INPP4B: variants seen among roughly 807,000 people sequenced by gnomAD.
INPP4B encodes inositol polyphosphate 4-phosphatase type II.
A neutral mutation model predicts 122.5 loss-of-function variants in INPP4B; 55 were observed. The observed-to-expected ratio is 0.45, with a 90% CI of 0.36 to 0.56. The LOEUF (loss-of-function observed/expected upper bound fraction) is 0.56, where lower values mean the gene tolerates loss of function less well. INPP4B is among the 20% of genes least tolerant of loss of function. The probability of loss-of-function intolerance (pLI) is 0.00; values close to 1 mark genes in which losing one functional copy is unlikely to be tolerated. For missense variants in INPP4B, 1,000 were observed against 1,097.7 expected (o/e 0.91, Z 1.26); for synonymous variants, 403 against 388.7 (o/e 1.04, Z -0.43).
At chr4:142,030,351 C>T (rs1447017515) in intron 25 of INPP4B, 1 of 1,472,462 alleles carries the variant, frequency 6.8e-7, no homozygotes, top group African/African-American at 1.4e-5. Flanking sequence ...GTATAGAGTT[C>T]ACACAGTAAA....
intron 21 of INPP4B, among the ~76,000 whole-genome samples, chr4:142,120,011 T>A (rs959554850): frequency 2.0e-5 from 3 of 151,860 alleles, no homozygotes; most frequent in Admixed American, 2.0e-4. Context: ...AGATCTATAA[T>A]CTATTGTGAG....
intron 11 of INPP4B, among the ~76,000 whole-genome samples, chr4:142,238,334 C>T (rs112819548): frequency 0.034 from 5,236 of 152,006 alleles, 286 homozygotes; most frequent in African/African-American, 0.12. Flanking sequence ...AGTTTACTAC[C>T]TATTGATTCT....
chr4:142,359,118 A>G (rs985551693), intron 7 of INPP4B, among the ~76,000 whole-genome samples: 1 of 151,904 alleles, frequency 6.6e-6, no homozygotes, highest in East Asian at 1.9e-4. Context: ...TACATATCAT[A>G]TTGTCCATTG....
chr4:142,759,825 T>TAAAAAAAA lies in INPP4B; in HGVS notation c.-253-33932_-253-33925dup, dbSNP rs70949188. ...CCCAGAGCTTATATAGAGCTTTTTC[T>TAAAAAAAA]AAAAAAAAAAAAAAAAAAAAAAAAA... is the stretch of plus-strand genomic sequence containing the variant. On this transcript the variant is annotated intron_variant, in intron 1 of 25. Coordinates refer to ENST00000262992, the MANE Select transcript of INPP4B (RefSeq NM_001101669.3). 1.1e-3 allele frequency among the ~76,000 whole-genome samples: 75 copies of TAAAAAAAA among 70,034 alleles called. 3 individuals are homozygous for TAAAAAAAA. Among genetic ancestry groups the TAAAAAAAA allele is most frequent in the Middle Eastern group, 0.014 (1 of 74 alleles). 45.9% of individuals were successfully genotyped at this position (70,034 alleles called of 152,430 possible).
chr4:142,712,317 G>A (rs2150801293), intron 2 of INPP4B, among the ~76,000 whole-genome samples: 1 of 152,276 alleles, frequency 6.6e-6, no homozygotes, highest in East Asian at 1.9e-4. Flanking sequence ...ATATGAAATT[G>A]ACTGAAATTA....
intron 11 of INPP4B, among the ~76,000 whole-genome samples, chr4:142,244,691 G>A (rs1228976167): frequency 3.9e-5 from 6 of 152,078 alleles, no homozygotes; most frequent in Non-Finnish European, 7.3e-5. Context: ...ATAAACATAC[G>A]TGTGCATGTG....
At chr4:142,365,406 C>T (rs773967810) in intron 7 of INPP4B, among the ~76,000 whole-genome samples, 1 of 152,092 alleles carries the variant, frequency 6.6e-6, no homozygotes, top group East Asian at 1.9e-4. Flanking sequence ...TGCTTCTCCA[C>T]AGAAATGATT....
intron 1 of INPP4B, among the ~76,000 whole-genome samples, chr4:142,801,401 T>G (rs1266108277): frequency 6.6e-6 from 1 of 152,154 alleles, no homozygotes; most frequent in African/African-American, 2.4e-5. Flanking sequence ...CAATCCAATC[T>G]GACTGGAGTC....
intron 2 of INPP4B, among the ~76,000 whole-genome samples, chr4:142,565,187 C>G (rs1731369023): frequency 6.6e-6 from 1 of 152,044 alleles, no homozygotes; most frequent in Non-Finnish European, 1.5e-5. Context: ...ATACCACTCT[C>G]CAATATAAGA....
intron 22 of INPP4B, among the ~76,000 whole-genome samples, chr4:142,108,569 T>A (rs1788361922): frequency 6.6e-6 from 1 of 152,076 alleles, no homozygotes; most frequent in Non-Finnish European, 1.5e-5. Context: ...TATCCAACCA[T>A]CCATTTCACT....
At chr4:142,657,987 T>C (rs1413088353) in intron 2 of INPP4B, among the ~76,000 whole-genome samples, 1 of 152,176 alleles carries the variant, frequency 6.6e-6, no homozygotes, top group African/African-American at 2.4e-5. Flanking sequence ...GTACATAGGA[T>C]TGCCAAAATG....
At position 142,321,564 on chromosome 4, in the gene INPP4B, C is replaced by T. The variant is rs562865906; in HGVS notation, c.373-6802G>A. On this transcript the variant is annotated intron_variant, in intron 7 of 25. Transcript: ENST00000262992. The stretch of plus-strand genomic sequence containing the variant: ...TTCTAGAATTTTTATGATTTCAGGT[C>T]TTAGATTTAAGTCTTTGATCCATCT... 2.6e-5 allele frequency among the ~76,000 whole-genome samples: 4 copies of T among 152,172 alleles called. No homozygotes were observed. The East Asian group carries it at 5.8e-4, about 22-fold the overall frequency.
chr4:142,070,245 A>G (rs991853804), intron 25 of INPP4B, among the ~76,000 whole-genome samples: 1 of 152,206 alleles, frequency 6.6e-6, no homozygotes, highest in Non-Finnish European at 1.5e-5. Flanking sequence ...CCACATGATA[A>G]TCTCAATAGA....
In INPP4B at chr4:142,681,129, G is replaced by A. The variant is rs147009619; in HGVS notation, c.-191+44710C>T. ...TGCATGTAATTACATTATGTCAGCC[G>A]CATGCATAAAATCCTACTTTCCTGT... On this transcript the variant is annotated intron_variant, in intron 2 of 25. Transcript: ENST00000262992. 8.5e-3 allele frequency among the ~76,000 whole-genome samples: 1,290 copies of A among 151,848 alleles called. 9 individuals are homozygous for A. The highest frequency in any genetic ancestry group is 0.013 in the Non-Finnish European group (910 of 67,826).
At chr4:142,133,864 C>T (rs1579024929) in intron 18 of INPP4B, among the ~76,000 whole-genome samples, 1 of 152,202 alleles carries the variant, frequency 6.6e-6, no homozygotes, top group Non-Finnish European at 1.5e-5. Context: ...CAAGTTCAAG[C>T]ATCAGCTTTT....
intron 17 of INPP4B, among the ~76,000 whole-genome samples, chr4:142,157,456 G>A (rs867187930): frequency 6.6e-6 from 1 of 152,144 alleles, no homozygotes; most frequent in Middle Eastern, 3.4e-3. Context: ...TTTCTGAGTG[G>A]GAAAGATTTT....
intron 2 of INPP4B, among the ~76,000 whole-genome samples, chr4:142,540,881 T>C (rs1372824569): frequency 6.6e-6 from 1 of 152,322 alleles, no homozygotes; most frequent in East Asian, 1.9e-4. Context: ...TAGTTACAGA[T>C]TGAAAACCAG....
intron 11 of INPP4B, among the ~76,000 whole-genome samples, chr4:142,250,797 T>A (rs1276941107): frequency 6.6e-6 from 1 of 152,152 alleles, no homozygotes. Context: ...CCAGGCTGAC[T>A]GGACTACAGA....
intron 25 of INPP4B, among the ~76,000 whole-genome samples, chr4:142,068,852 A>G (rs976317801): frequency 6.6e-6 from 1 of 152,228 alleles, no homozygotes; most frequent in African/African-American, 2.4e-5. Flanking sequence ...GAGAAATACA[A>G]AGAGACTTAG....
Sources: gnomAD v4.1 joint callset for allele counts (sites outside exome capture counted in the v4.1 genomes callset) on GRCh38, gnomAD v4.1.1 for gene constraint, MANE v1.5 for transcripts, NCBI Gene and HGNC (gene_info 2026-07-23, HGNC 2026-07-21) for gene names.